The following RANGAP1 variants were observed in gnomAD, a reference collection of about 807,000 sequenced individuals.
RANGAP1 encodes the protein ran GTPase-activating protein 1.
In RANGAP1, 38 loss-of-function variants were observed where a neutral mutation model predicts 63.5. The ratio of observed to expected loss-of-function variants is 0.60; its 90% confidence interval spans 0.46 to 0.78. The LOEUF (loss-of-function observed/expected upper bound fraction) is 0.78. RANGAP1 is among the 30% of genes least tolerant of loss of function. RANGAP1 has a pLI of 0.00. For synonymous variants in RANGAP1, 329 were observed against 310.5 expected, an observed-to-expected ratio of 1.06 and a Z score of -0.63; for missense variants, 630 against 740.3, an observed-to-expected ratio of 0.85 and a Z score of 1.73.
At chr22:41,253,153 AAT>A (rs1426013174) in intron 11 of RANGAP1, 162 bp from the exon 12 acceptor site, 1 of 748,518 alleles carries the variant, frequency 1.3e-6, no homozygotes, top group East Asian at 3.8e-5. Flanking sequence ...CCCATCTATC[AAT>A]ATCACCCAGA....
chr22:41,283,919 T>G (rs2145860355), intron 1 of RANGAP1, among the ~76,000 whole-genome samples: 1 of 152,278 alleles, frequency 6.6e-6, no homozygotes, highest in East Asian at 1.9e-4. Context: ...ATTTAGAAGG[T>G]GCTCAAGAAA....
At chr22:41,298,885 A>C in the RANGAP1 span, among the ~76,000 whole-genome samples, 2 of 152,278 alleles carry the variant, frequency 1.3e-5, no homozygotes, top group African/African-American at 4.8e-5. Flanking sequence ...TTTATTTCTC[A>C]CTGATCTGGG....
intron 2 of RANGAP1, among the ~76,000 whole-genome samples, chr22:41,276,164 C>G (rs528660251): frequency 6.6e-6 from 1 of 152,322 alleles, no homozygotes; most frequent in East Asian, 1.9e-4. Flanking sequence ...CACACACAAA[C>G]ACACATGCAC....
At chr22:41,278,090 A>C (rs2035265071) in intron 2 of RANGAP1, among the ~76,000 whole-genome samples, 1 of 147,426 alleles carries the variant, frequency 6.8e-6, no homozygotes, top group African/African-American at 2.5e-5. Context: ...AGGCTGGAGT[A>C]CAGTGGTGCC....
At chr22:41,295,841 G>A in the RANGAP1 span, among the ~76,000 whole-genome samples, 7 of 146,784 alleles carry the variant, frequency 4.8e-5, no homozygotes, top group African/African-American at 1.5e-4. Context: ...TTAGGAAACC[G>A]GAGATCACAC....
intron 15 of RANGAP1, 26 bp downstream of exon 15, chr22:41,249,304 C>T (rs530664443): frequency 9.6e-6 from 15 of 1,567,304 alleles, no homozygotes; most frequent in South Asian, 6.0e-5. Context: ...GGGCAGGCAC[C>T]GGCAGAAGGA....
At chr22:41,254,852 G>C (rs983830089) in intron 10 of RANGAP1, among the ~76,000 whole-genome samples, 1 of 151,894 alleles carries the variant, frequency 6.6e-6, no homozygotes, top group Non-Finnish European at 1.5e-5. Flanking sequence ...GGCGCCTGTG[G>C]TCCCAGCTAC....
chr22:41,276,858 C>A (rs1422628642), intron 2 of RANGAP1, among the ~76,000 whole-genome samples: 2 of 151,346 alleles, frequency 1.3e-5, no homozygotes, highest in Non-Finnish European at 2.9e-5. Context: ...TAGCGCATGC[C>A]TGTAATCCCA....
intron 4 of RANGAP1, among the ~76,000 whole-genome samples, chr22:41,267,651 C>T (rs1451417878): frequency 1.3e-5 from 2 of 152,116 alleles, no homozygotes; most frequent in South Asian, 2.1e-4. Flanking sequence ...CGGGCACAAA[C>T]CAAAGCAGAC....
chr22:41,272,546 G>A (rs2034900632), intron 3 of RANGAP1, among the ~76,000 whole-genome samples: 1 of 151,804 alleles, frequency 6.6e-6, no homozygotes, highest in African/African-American at 2.4e-5. Context: ...TTTTGAGATG[G>A]AGTCTCGCTC....
intron 10 of RANGAP1, 120 bp from the exon 11 acceptor site, chr22:41,254,614 T>C (rs2033700226): frequency 6.7e-7 from 1 of 1,482,692 alleles, no homozygotes; most frequent in African/African-American, 1.4e-5. Context: ...CCTGGTGGGG[T>C]GGGAGCACCT....
intron 2 of RANGAP1, among the ~76,000 whole-genome samples, chr22:41,278,210 TG>T (rs1351611004): frequency 1.3e-5 from 2 of 152,138 alleles, no homozygotes; most frequent in African/African-American, 4.8e-5. Flanking sequence ...GGCTAATTTT[TG>T]TATTTGTAGT....
chr22:41,298,386 C>T, the RANGAP1 span, among the ~76,000 whole-genome samples: 1 of 152,132 alleles, frequency 6.6e-6, no homozygotes, highest in Non-Finnish European at 1.5e-5. Flanking sequence ...GCGATCTCGG[C>T]TCACTGCAAC....
At chr22:41,247,334 C>T (rs1312982514) in intron 15 of RANGAP1, among the ~76,000 whole-genome samples, 2 of 151,992 alleles carry the variant, frequency 1.3e-5, no homozygotes, top group African/African-American at 2.4e-5. Context: ...GGATTATAGG[C>T]GTGAGCCACC....
At chr22:41,247,900 G>A (rs2033157666) in intron 15 of RANGAP1, among the ~76,000 whole-genome samples, 1 of 152,176 alleles carries the variant, frequency 6.6e-6, no homozygotes, top group Non-Finnish European at 1.5e-5. Flanking sequence ...AGACCCAGGG[G>A]GCAGACTGAG....
upstream of RANGAP1, among the ~76,000 whole-genome samples, chr22:41,286,422 C>T (rs1312364918): frequency 6.6e-6 from 1 of 152,262 alleles, no homozygotes; most frequent in African/African-American, 2.4e-5. Flanking sequence ...CTGGTGGCTT[C>T]TGGCTCTTTC....
chr22:41,289,784 C>T (rs2035817022), upstream of RANGAP1, among the ~76,000 whole-genome samples: 1 of 152,100 alleles, frequency 6.6e-6, no homozygotes, highest in Non-Finnish European at 1.5e-5. Flanking sequence ...ATAGTGTCAT[C>T]CAAGACTATC....
At chr22:41,293,651 C>T in the RANGAP1 span, among the ~76,000 whole-genome samples, 2 of 150,122 alleles carry the variant, frequency 1.3e-5, no homozygotes, top group African/African-American at 2.5e-5. Context: ...TGGTGGCGGG[C>T]GCCTGTAGTC....
the RANGAP1 span, among the ~76,000 whole-genome samples, chr22:41,295,200 C>A: frequency 4.0e-5 from 6 of 151,320 alleles, no homozygotes; most frequent in Admixed American, 1.3e-4. Context: ...GGGAGGTGTG[C>A]CCAGCAGCTC....
Sources: allele counts gnomAD v4.1 joint callset (sites outside exome capture counted in the v4.1 genomes callset), GRCh38; gene constraint gnomAD v4.1.1; transcripts MANE v1.5; gene names NCBI Gene and HGNC (gene_info 2026-07-23, HGNC 2026-07-21).